Variants in ZEB1 observed in about 807,000 individuals in gnomAD.
ZEB1 encodes zinc finger E-box binding homeobox 1.
In ZEB1, 21 loss-of-function variants were observed where a neutral mutation model predicts 84.9. That is an observed-to-expected ratio of 0.25 (90% CI 0.18 to 0.36). ZEB1 has a LOEUF of 0.36. Ranked by LOEUF, ZEB1 falls within the 10% of genes least tolerant of loss-of-function variation. The probability of loss-of-function intolerance (pLI) is 1.00; values close to 1 mark genes in which losing one functional copy is unlikely to be tolerated. For missense variants in ZEB1, 1,104 were observed against 1,330.2 expected (o/e 0.83, Z 2.65); for synonymous variants, 420 against 471.1 (o/e 0.89, Z 1.41).
intron 1 of ZEB1, among the ~76,000 whole-genome samples, chr10:31,419,316 G>A (rs2055751248): frequency 1.3e-5 from 2 of 152,284 alleles, no homozygotes; most frequent in South Asian, 4.1e-4. Context: ...TAAAGCCGGA[G>A]AGGGAGGTAG....
chr10:31,419,894 T>C (rs548915716), intron 1 of ZEB1, among the ~76,000 whole-genome samples: 3 of 152,216 alleles, frequency 2.0e-5, no homozygotes, highest in African/African-American at 4.8e-5. Flanking sequence ...CAGAGCTGAG[T>C]AGAGCAGGCG....
Position 31,526,843 on chromosome 10 carries a change from A to T in ZEB1, c.2957A>T (p.Tyr986Phe). Reference protein sequence around the residue: ...YSQHMNHRYSYCKREAEERDS... With the variant: ...YSQHMNHRYSFCKREAEERDS... Reference sequence around the variant, plus strand: ...CAACACATGAATCATCGCTACTCCTACTGTAAGAGAGAAGCGGAAGAACGT... The same window carrying T: ...CAACACATGAATCATCGCTACTCCTTCTGTAAGAGAGAAGCGGAAGAACGT... Residue 986 changes from tyrosine (Y) to phenylalanine (F), a missense_variant, in exon 9 of 9, where the codon TAC becomes TTC. Coordinates refer to ENST00000424869, the MANE Select transcript of ZEB1 (RefSeq NM_001174096.2). 1 of 1,614,146 alleles carries T rather than the reference A, an allele frequency of 6.2e-7. No homozygotes were observed. The highest frequency in any genetic ancestry group is 1.3e-5 in the African/African-American group (1 of 75,044).
intron 2 of ZEB1, among the ~76,000 whole-genome samples, chr10:31,473,997 G>C (rs1482449857): frequency 6.6e-6 from 1 of 152,162 alleles, no homozygotes; most frequent in Non-Finnish European, 1.5e-5. Flanking sequence ...TGGGAAAACC[G>C]GCTAGCCATA....
At chr10:31,387,043 T>C in intron 1 of ZEB1, 1 of 968,894 alleles carries the variant, frequency 1.0e-6, no homozygotes, top group Non-Finnish European at 1.2e-6. Flanking sequence ...TTCTCAAAAC[T>C]TCATTTTGTA....
chr10:31,363,188 T>C lies in ZEB1; in HGVS notation c.58+43896T>C, dbSNP rs765561325. 1,830 of 1,534,014 alleles carry C rather than the reference T, an allele frequency of 1.2e-3. 5 individuals are homozygous for C. The highest frequency in any genetic ancestry group is 3.8e-3 in the South Asian group (315 of 83,966). On this transcript the variant is annotated intron_variant, in intron 1 of 8. Transcript: ENST00000424869. ...CCCACCATCAGCAAGCCTGGAGAGC[T>C]GGGCAGGTGGTCTTCACCCAGCACC...
At chr10:31,467,295 G>A (rs2062559851) in intron 2 of ZEB1, among the ~76,000 whole-genome samples, 1 of 152,156 alleles carries the variant, frequency 6.6e-6, no homozygotes, top group African/African-American at 2.4e-5. Context: ...AGCCTTCAGT[G>A]TGCTAGGCAG....
rs117248672 is a variant in ZEB1 at position 31,421,694 on chromosome 10, G to C, written c.59-39343G>C. On this transcript the variant is annotated intron_variant, in intron 1 of 8. Transcript: ENST00000424869. ...ACCTATCTCCAGTGTCCATCCTTGA[G>C]AAAGTCAATCCTTCTTTTCTCTTTG... 2.6e-3 allele frequency among the ~76,000 whole-genome samples: 398 copies of C among 152,166 alleles called. 7 individuals carry two copies. The East Asian group carries it at 0.041, about 16-fold the overall frequency.
chr10:31,414,666 T>A (rs2054898637), intron 1 of ZEB1, among the ~76,000 whole-genome samples: 1 of 152,220 alleles, frequency 6.6e-6, no homozygotes, highest in Admixed American at 6.5e-5. Flanking sequence ...ATTTTCACAT[T>A]TCTACCTATG....
chr10:31,364,353 G>A (rs952066967), intron 1 of ZEB1, among the ~76,000 whole-genome samples: 24 of 152,326 alleles, frequency 1.6e-4, no homozygotes, highest in South Asian at 6.2e-4. Flanking sequence ...GGGCTGTTGG[G>A]GGTGCGAGGC....
chr10:31,463,202 A>G (rs2839662), intron 2 of ZEB1, among the ~76,000 whole-genome samples: 1,853 of 152,280 alleles, frequency 0.012, 27 homozygotes, highest in Non-Finnish European at 0.015. Flanking sequence ...GGCAATAAGA[A>G]TAAGGTAGAT....
At chr10:31,319,171 T>TG (rs1270505727), upstream of ZEB1, 122 of 454,550 alleles carry the variant, frequency 2.7e-4, no homozygotes, top group East Asian at 4.7e-4. Context: ...GGCGGAGGGG[T>TG]GGGGGGGAAG....
At chr10:31,518,586 A>G (rs2071638698) in intron 6 of ZEB1, among the ~76,000 whole-genome samples, 1 of 152,272 alleles carries the variant, frequency 6.6e-6, no homozygotes, top group Non-Finnish European at 1.5e-5. Flanking sequence ...TGACCCCTAT[A>G]ACAGTCCAAT....
At chr10:31,475,504 T>C (rs1397521714) in intron 2 of ZEB1, among the ~76,000 whole-genome samples, 1 of 152,152 alleles carries the variant, frequency 6.6e-6, no homozygotes, top group East Asian at 1.9e-4. Context: ...ATTAGGCTAT[T>C]CAAAGTCAAT....
At chr10:31,341,465 G>A (rs2039350818) in intron 1 of ZEB1, among the ~76,000 whole-genome samples, 2 of 152,176 alleles carry the variant, frequency 1.3e-5, no homozygotes. Flanking sequence ...TGAATAATCA[G>A]TTGAGGAGAC....
chr10:31,506,150 T>C (rs995769282), intron 4 of ZEB1, among the ~76,000 whole-genome samples: 1 of 152,072 alleles, frequency 6.6e-6, no homozygotes, highest in Non-Finnish European at 1.5e-5. Context: ...GATTTTGATT[T>C]TTAAAAATTT....
At position 31,465,485 on chromosome 10, in the gene ZEB1, A is replaced by G. The variant is rs933916353; in HGVS notation, c.259+4248A>G. Among the ~76,000 whole-genome samples, 13 of 151,674 alleles carry G rather than the reference A, an allele frequency of 8.6e-5. No individual in the cohort carries two copies. The South Asian group carries it at 1.0e-3, about 12-fold the overall frequency. The stretch of plus-strand genomic sequence containing the variant: ...ATATATATATATATATAAAATATCA[A>G]TGGAAGCAGCAAAGAAACAAAGGCA... On this transcript the variant is annotated intron_variant, in intron 2 of 8. Coordinates refer to ENST00000424869, the MANE Select transcript of ZEB1 (RefSeq NM_001174096.2).
rs1415041755 is a variant in ZEB1 at position 31,482,841 on chromosome 10, C to T, written c.260-12935C>T. On this transcript the variant is annotated intron_variant, in intron 2 of 8. Transcript: ENST00000424869. ...TGGAATATAATAATAATTCAGTTTA[C>T]AAAGTGCATAGTAGGTCAGAGGATC... is the stretch of plus-strand genomic sequence containing the variant. Among the ~76,000 whole-genome samples, 7 of 151,972 alleles carry T rather than the reference C, an allele frequency of 4.6e-5. No homozygotes were observed. The East Asian group carries it at 1.4e-3, about 29-fold the overall frequency.
chr10:31,392,837 A>AT (rs905866523), intron 1 of ZEB1, among the ~76,000 whole-genome samples: 3 of 151,436 alleles, frequency 2.0e-5, no homozygotes, highest in Admixed American at 6.6e-5. Flanking sequence ...CCATATATAT[A>AT]TTTTTTTGTT....
At position 31,520,455 on chromosome 10, in the gene ZEB1, G is replaced by T. The variant is rs1244811804; in HGVS notation, c.1123G>T (p.Val375Phe). Residue 375 changes from valine to phenylalanine, a missense_variant, in exon 7 of 9, where the codon GTT becomes TTT. Transcript: ENST00000424869. This position sits in a 1 kb window ranked among gnomAD's most constrained non-coding sequence, Gnocchi z 5.1. ...CTGTTCAACCCCTTTACAAAATGGG[G>T]TTTTCACTGGTGGTGGCCCATTACA... ...INCSTPLQNG[V>F]FTGGGPLQAT... 6.2e-7 allele frequency: 1 copy of T among 1,614,014 alleles called. No individual in the cohort carries two copies.
Sources: allele counts gnomAD v4.1 joint callset (sites outside exome capture counted in the v4.1 genomes callset), GRCh38; gene constraint gnomAD v4.1.1; non-coding constraint Gnocchi (gnomAD v3.1); transcripts MANE v1.5; gene names NCBI Gene and HGNC (gene_info 2026-07-23, HGNC 2026-07-21).